The following IQCJ variants were observed in gnomAD, a reference collection of about 807,000 sequenced individuals.
IQCJ encodes IQ domain-containing protein J.
IQCJ carries 9 observed loss-of-function variants against 11.0 expected under a neutral mutation model. The observed-to-expected ratio is 0.82, with a 90% CI of 0.49 to 1.43. IQCJ has a LOEUF of 1.43. Ranked by LOEUF, IQCJ falls within the 40% of genes most tolerant of loss-of-function variation. The probability of loss-of-function intolerance (pLI) is 0.00; values close to 1 mark genes in which losing one functional copy is unlikely to be tolerated. For missense variants in IQCJ, 146 were observed against 133.2 expected (o/e 1.10, Z -0.47); for synonymous variants, 55 against 51.3 (o/e 1.07, Z -0.31).
intron 2 of IQCJ, among the ~76,000 whole-genome samples, chr3:159,248,587 G>A (rs941810734): frequency 6.6e-6 from 1 of 152,146 alleles, no homozygotes; most frequent in African/African-American, 2.4e-5. Flanking sequence ...CAGCTGGGGA[G>A]CTTAATAAAA....
intron 1 of IQCJ, among the ~76,000 whole-genome samples, chr3:159,090,470 G>T (rs1207388811): frequency 4.6e-5 from 7 of 151,828 alleles, no homozygotes; most frequent in Non-Finnish European, 8.8e-5. Flanking sequence ...TTGGATGCTG[G>T]GTCAGTTCTG....
At chr3:159,174,846 A>T (rs1258619039) in intron 1 of IQCJ, among the ~76,000 whole-genome samples, 1 of 152,112 alleles carries the variant, frequency 6.6e-6, no homozygotes, top group Non-Finnish European at 1.5e-5. Context: ...CATATGTCAT[A>T]CATTCTTGTA....
chr3:159,199,546 C>A (rs988664991), intron 1 of IQCJ, among the ~76,000 whole-genome samples: 10 of 152,106 alleles, frequency 6.6e-5, no homozygotes, highest in Non-Finnish European at 2.9e-5. Context: ...AAGTTTGTGG[C>A]AGTTTATTAC....
At chr3:159,087,607 G>T (rs1716886558) in intron 1 of IQCJ, among the ~76,000 whole-genome samples, 1 of 147,248 alleles carries the variant, frequency 6.8e-6, no homozygotes, top group Non-Finnish European at 1.5e-5. Context: ...CCTGTTATTG[G>T]TCTATTCAGA....
intron 1 of IQCJ, among the ~76,000 whole-genome samples, chr3:159,193,129 G>C (rs1723784842): frequency 6.6e-6 from 1 of 152,264 alleles, no homozygotes; most frequent in African/African-American, 2.4e-5. Context: ...CTTCAAAATT[G>C]GGTAGGAGAG....
intron 1 of IQCJ, among the ~76,000 whole-genome samples, chr3:159,078,838 A>G (rs962477450): frequency 6.6e-6 from 1 of 152,122 alleles, no homozygotes; most frequent in African/African-American, 2.4e-5. Flanking sequence ...CATCTATAAA[A>G]TGAGGATAAT....
intron 1 of IQCJ, among the ~76,000 whole-genome samples, chr3:159,118,477 G>C (rs1289599294): frequency 6.6e-6 from 1 of 152,172 alleles, no homozygotes; most frequent in Non-Finnish European, 1.5e-5. Context: ...CATCTTACAT[G>C]TATCGGCTCA....
At chr3:159,193,488 G>A (rs545202640) in intron 1 of IQCJ, among the ~76,000 whole-genome samples, 6 of 152,200 alleles carry the variant, frequency 3.9e-5, no homozygotes, top group African/African-American at 1.4e-4. Flanking sequence ...TATGCCCTCT[G>A]CTGCTGAGTA....
intron 1 of IQCJ, among the ~76,000 whole-genome samples, chr3:159,084,731 A>G (rs1253837913): frequency 6.6e-6 from 1 of 152,076 alleles, no homozygotes; most frequent in African/African-American, 2.4e-5. Context: ...ATAAAAGCAC[A>G]GGAATATGAT....
Position 159,126,235 on chromosome 3 carries a change from GGCTA to G in IQCJ, c.9+56799_9+56802del, listed in dbSNP as rs1719672057. On this transcript the variant is annotated intron_variant, in intron 1 of 3. Coordinates refer to ENST00000397832, the MANE Select transcript of IQCJ (RefSeq NM_001042706.3). Reference sequence around the variant, plus strand: ...TGCCAGTCCTGGGCATGTGACCCCAGGCTAGCTATTCAACCTCTTAGAGTCTCAG... The same window carrying G: ...TGCCAGTCCTGGGCATGTGACCCCAGGCTATTCAACCTCTTAGAGTCTCAG... 5.3e-5 allele frequency among the ~76,000 whole-genome samples: 8 copies of G among 152,292 alleles called. No individual in the cohort carries two copies. The South Asian group carries it at 1.7e-3, about 32-fold the overall frequency.
At chr3:159,235,741 G>GAACATTTTC in intron 1 of IQCJ, among the ~76,000 whole-genome samples, 1 of 152,266 alleles carries the variant, frequency 6.6e-6, no homozygotes, top group African/African-American at 2.4e-5. Flanking sequence ...GACTTAGATC[G>GAACATTTTC]GGTGTTTGAC....
chr3:159,161,230 G>A (rs1327604172), intron 1 of IQCJ, among the ~76,000 whole-genome samples: 1 of 152,186 alleles, frequency 6.6e-6, no homozygotes, highest in African/African-American at 2.4e-5. Context: ...TGTAACTGGT[G>A]TGAGATGGTA....
intron 1 of IQCJ, among the ~76,000 whole-genome samples, chr3:159,082,866 CTG>C (rs1477194168): frequency 6.6e-6 from 1 of 152,076 alleles, no homozygotes; most frequent in Non-Finnish European, 1.5e-5. Flanking sequence ...TATAACCCCT[CTG>C]TGAATAGCAA....
chr3:159,092,699 A>ACACACACACACAC lies in IQCJ; in HGVS notation c.9+23258_9+23259insCACACACACACAC, dbSNP rs1553775246. 8.4e-4 allele frequency among the ~76,000 whole-genome samples: 119 copies of ACACACACACACAC among 141,688 alleles called. 4 individuals are homozygous for ACACACACACACAC. The highest frequency in any genetic ancestry group is 1.7e-3 in the Admixed American group (24 of 14,332). 93.0% of individuals were successfully genotyped at this position (141,688 alleles called of 152,430 possible). A position where few individuals can be genotyped will look rare whatever the true frequency, so the allele number is the denominator to read the frequency against. Reference sequence around the variant, plus strand: ...GGCGACAGAGTGAGACTCCATCACAAACACACACACACACACACACACACA... The same window carrying ACACACACACACAC: ...GGCGACAGAGTGAGACTCCATCACAACACACACACACACACACACACACACACACACACACACA... On this transcript the variant is annotated intron_variant, in intron 1 of 3. Transcript: ENST00000397832.
intron 1 of IQCJ, among the ~76,000 whole-genome samples, chr3:159,114,931 G>A (rs1364427738): frequency 6.6e-6 from 1 of 152,142 alleles, no homozygotes; most frequent in Non-Finnish European, 1.5e-5. Flanking sequence ...CTGCCCCCGG[G>A]GCTAGTGAGG....
chr3:159,076,959 A>C (rs1013893261), intron 1 of IQCJ, among the ~76,000 whole-genome samples: 3 of 152,090 alleles, frequency 2.0e-5, no homozygotes, highest in African/African-American at 7.2e-5. Flanking sequence ...AAGGTATATA[A>C]AGTACTTAGA....
intron 1 of IQCJ, among the ~76,000 whole-genome samples, chr3:159,145,535 G>A (rs1309761275): frequency 1.3e-5 from 2 of 150,910 alleles, no homozygotes; most frequent in Non-Finnish European, 2.9e-5. Context: ...TTTGTGACCA[G>A]AAGCATTTTG....
chr3:159,088,663 C>G (rs1460166796), intron 1 of IQCJ, among the ~76,000 whole-genome samples: 1 of 152,136 alleles, frequency 6.6e-6, no homozygotes, highest in Admixed American at 6.5e-5. Flanking sequence ...GATCCCTTTA[C>G]CATTATGTAA....
At chr3:159,216,093 G>C (rs1037308920) in intron 1 of IQCJ, among the ~76,000 whole-genome samples, 1 of 106,824 alleles carries the variant, frequency 9.4e-6, no homozygotes, top group Non-Finnish European at 1.8e-5. Flanking sequence ...TGTGTGGGGC[G>C]GGGGGTGGGT....
Sources: allele counts gnomAD v4.1 joint callset (sites outside exome capture counted in the v4.1 genomes callset), GRCh38; gene constraint gnomAD v4.1.1; transcripts MANE v1.5; gene names NCBI Gene and HGNC (gene_info 2026-07-23, HGNC 2026-07-21).